SAMTOR: variants seen among roughly 807,000 people sequenced by gnomAD.
The protein encoded by SAMTOR is UPF0532 protein C7orf60.
the SAMTOR span, among the ~76,000 whole-genome samples, chr7:112,868,047 C>T: frequency 6.6e-6 from 1 of 152,306 alleles, no homozygotes; most frequent in East Asian, 1.9e-4. Flanking sequence ...GCCTGATGAT[C>T]TGAGGTGGAA....
chr7:112,826,516 TCTTTA>T, the SAMTOR span, among the ~76,000 whole-genome samples: 1 of 152,178 alleles, frequency 6.6e-6, no homozygotes, highest in African/African-American at 2.4e-5. Context: ...TACCTTTTTC[TCTTTA>T]CTTCTGATCA....
At chr7:112,898,370 T>C in the SAMTOR span, among the ~76,000 whole-genome samples, 1 of 151,058 alleles carries the variant, frequency 6.6e-6, no homozygotes, top group East Asian at 2.0e-4. Flanking sequence ...CCTCCCCTCA[T>C]TCTAGGCAGT....
At chr7:112,863,701 G>A in the SAMTOR span, among the ~76,000 whole-genome samples, 1 of 152,150 alleles carries the variant, frequency 6.6e-6, no homozygotes, top group African/African-American at 2.4e-5. Context: ...TATCATTAGA[G>A]AAATGCAAAT....
the SAMTOR span, among the ~76,000 whole-genome samples, chr7:112,822,715 A>G: frequency 6.6e-6 from 1 of 152,140 alleles, no homozygotes; most frequent in South Asian, 2.1e-4. Context: ...ATTCACTTTA[A>G]CATTTACAGT....
chr7:112,895,988 T>C, the SAMTOR span, among the ~76,000 whole-genome samples: 1 of 152,244 alleles, frequency 6.6e-6, no homozygotes, highest in Non-Finnish European at 1.5e-5. Flanking sequence ...ATTACAGATG[T>C]GTTTGTATAT....
chr7:112,871,833 A>G, the SAMTOR span, among the ~76,000 whole-genome samples: 1 of 152,204 alleles, frequency 6.6e-6, no homozygotes, highest in African/African-American at 2.4e-5. Flanking sequence ...TACCAATCCC[A>G]AAGAAATACA....
the SAMTOR span, among the ~76,000 whole-genome samples, chr7:112,893,996 T>C: frequency 2.0e-5 from 3 of 152,404 alleles, no homozygotes; most frequent in East Asian, 1.9e-4. Context: ...TTTCAGCCTA[T>C]ATCAGCTTTT....
At chr7:112,933,303 T>G in the SAMTOR span, among the ~76,000 whole-genome samples, 1 of 152,148 alleles carries the variant, frequency 6.6e-6, no homozygotes, top group African/African-American at 2.4e-5. Flanking sequence ...GAAGAAGATA[T>G]GATTATAATA....
chr7:112,864,156 A>T, the SAMTOR span, among the ~76,000 whole-genome samples: 1 of 152,218 alleles, frequency 6.6e-6, no homozygotes, highest in Non-Finnish European at 1.5e-5. Flanking sequence ...AGAAAACCAG[A>T]TACCACATGT....
At chr7:112,858,389 GAATATA>G in the SAMTOR span, among the ~76,000 whole-genome samples, 2 of 150,458 alleles carry the variant, frequency 1.3e-5, no homozygotes, top group Admixed American at 6.7e-5. Context: ...AGTAAAAACA[GAATATA>G]AATATACAGA....
the SAMTOR span, among the ~76,000 whole-genome samples, chr7:112,839,383 T>G: frequency 6.6e-6 from 1 of 151,882 alleles, no homozygotes. Flanking sequence ...AAAAACAACT[T>G]GATTTAGGCA....
At chr7:112,853,959 G>A in the SAMTOR span, among the ~76,000 whole-genome samples, 2 of 152,012 alleles carry the variant, frequency 1.3e-5, no homozygotes, top group Non-Finnish European at 2.9e-5. Context: ...AAAATGCGTT[G>A]AGAGTCAGTT....
the SAMTOR span, among the ~76,000 whole-genome samples, chr7:112,933,166 G>C: frequency 1.3e-5 from 2 of 152,106 alleles, no homozygotes; most frequent in African/African-American, 4.8e-5. Context: ...TGCTGCTTTT[G>C]CTAATTAGCA....
chr7:112,824,651 A>G, the SAMTOR span, among the ~76,000 whole-genome samples: 20 of 152,056 alleles, frequency 1.3e-4, 1 homozygote, highest in Middle Eastern at 6.8e-3. Flanking sequence ...ATGATCCACC[A>G]CACCCAGCCA....
chr7:112,892,952 AT>A, the SAMTOR span, among the ~76,000 whole-genome samples: 2 of 151,974 alleles, frequency 1.3e-5, no homozygotes, highest in African/African-American at 4.8e-5. Flanking sequence ...TGAAAGGAAT[AT>A]TTTTTTCTGA....
At chr7:112,893,843 A>AGTGAGCTGAGATCATGCC in the SAMTOR span, among the ~76,000 whole-genome samples, 1 of 152,236 alleles carries the variant, frequency 6.6e-6, no homozygotes, top group African/African-American at 2.4e-5. Context: ...CGGAGCTTGC[A>AGTGAGCTGAGATCATGCC]GTGAGCTGAG....
the SAMTOR span, among the ~76,000 whole-genome samples, chr7:112,873,896 G>C: frequency 1.3e-5 from 2 of 151,992 alleles, no homozygotes; most frequent in African/African-American, 4.8e-5. Flanking sequence ...GTGGGCTAAG[G>C]ACATGAACAG....
the SAMTOR span, among the ~76,000 whole-genome samples, chr7:112,929,841 T>C: frequency 6.6e-6 from 1 of 152,094 alleles, no homozygotes; most frequent in Non-Finnish European, 1.5e-5. Context: ...TACGGAATTA[T>C]ATACTTTAAA....
the SAMTOR span, among the ~76,000 whole-genome samples, chr7:112,844,296 A>T: frequency 6.6e-6 from 1 of 152,138 alleles, no homozygotes; most frequent in Non-Finnish European, 1.5e-5. Flanking sequence ...AAGAGAAAGA[A>T]ATAAAGGGCA....
Sources: gnomAD v4.1 joint callset for allele counts (sites outside exome capture counted in the v4.1 genomes callset) on GRCh38, gnomAD v4.1.1 for gene constraint, MANE v1.5 for transcripts, NCBI Gene and HGNC (gene_info 2026-07-23, HGNC 2026-07-21) for gene names.